ZNF578: variants seen among roughly 807,000 people sequenced by gnomAD.
The protein encoded by ZNF578 is zinc finger protein 578.
In ZNF578, 8 loss-of-function variants were observed where a neutral mutation model predicts 8.3. The observed-to-expected ratio is 0.96, with a 90% CI of 0.56 to 1.74. The LOEUF (loss-of-function observed/expected upper bound fraction) is 1.74. Among genes scored for constraint, ZNF578 ranks in the 40% most tolerant of loss-of-function variants. The probability of loss-of-function intolerance (pLI) is 0.00; values close to 1 mark genes in which losing one functional copy is unlikely to be tolerated. For synonymous variants in ZNF578, 206 were observed against 232.2 expected, an observed-to-expected ratio of 0.89 and a Z score of 1.03; for missense variants, 726 against 707.5, an observed-to-expected ratio of 1.03 and a Z score of -0.30.
Position 52,473,925 on chromosome 19 carries a change from T to G in ZNF578, c.-122+16967T>G, listed in dbSNP as rs1734067960. On this transcript the variant is annotated intron_variant, in intron 2 of 5. Transcript: ENST00000421239. ...TAAGGTTTCTCTTCCATATGAATTATCCAGTGTTCTGTAAAGTGTGAATTG... is the reference window on the plus strand; with the variant it reads ...TAAGGTTTCTCTTCCATATGAATTAGCCAGTGTTCTGTAAAGTGTGAATTG... The G allele has an allele frequency of 2.4e-5, 8 of 331,974 alleles. No homozygotes were observed. In the South Asian group the frequency reaches 2.9e-4, roughly 12 times the overall value. 20.6% of individuals were successfully genotyped at this position (331,974 alleles called of 1,614,324 possible).
rs1454630786 is a variant in ZNF578 at position 52,489,787 on chromosome 19, C to G, written c.-121-1537C>G. On this transcript the variant is annotated intron_variant, in intron 2 of 5. Coordinates refer to ENST00000421239, the MANE Select transcript of ZNF578 (RefSeq NM_001099694.2). ...TCTCCTGCCTCAGCCTCCCGAGTAGCTGGGACTACAGGCGCCCGCCACCAA... is the reference window on the plus strand; with the variant it reads ...TCTCCTGCCTCAGCCTCCCGAGTAGGTGGGACTACAGGCGCCCGCCACCAA... Among the ~76,000 whole-genome samples, 6 of 151,772 alleles carry G rather than the reference C, an allele frequency of 4.0e-5. No individual in the cohort carries two copies. In the East Asian group the frequency reaches 1.2e-3, roughly 30 times the overall value.
At chr19:52,479,562 A>T (rs1046850788) in intron 2 of ZNF578, among the ~76,000 whole-genome samples, 13 of 149,654 alleles carry the variant, frequency 8.7e-5, no homozygotes, top group African/African-American at 1.5e-4. Flanking sequence ...AAAAAAAAAA[A>T]GGAAAAAAGA....
At chr19:52,489,816 C>T (rs144396550) in intron 2 of ZNF578, among the ~76,000 whole-genome samples, 35 of 151,848 alleles carry the variant, frequency 2.3e-4, no homozygotes, top group African/African-American at 7.2e-4. Context: ...CCACCAATCC[C>T]GGCTAATTTT....
chr19:52,505,261 G>A (rs2059421688), intron 5 of ZNF578, among the ~76,000 whole-genome samples: 1 of 152,040 alleles, frequency 6.6e-6, no homozygotes, highest in Non-Finnish European at 1.5e-5. Context: ...ATAAACTAAT[G>A]ATCATCTTCT....
chr19:52,463,931 TA>T (rs2059266382), intron 2 of ZNF578, among the ~76,000 whole-genome samples: 1 of 152,216 alleles, frequency 6.6e-6, no homozygotes, highest in South Asian at 2.1e-4. Context: ...TGGAAAGTTT[TA>T]TTTTTAGGAT....
At chr19:52,499,414 A>G (rs2059398607) in intron 3 of ZNF578, among the ~76,000 whole-genome samples, 1 of 152,136 alleles carries the variant, frequency 6.6e-6, no homozygotes, top group South Asian at 2.1e-4. Flanking sequence ...TCCTGTGTCC[A>G]GTAGTCTCCT....
At chr19:52,497,109 A>G (rs1173645753) in intron 3 of ZNF578, among the ~76,000 whole-genome samples, 2 of 149,318 alleles carry the variant, frequency 1.3e-5, no homozygotes, top group African/African-American at 4.9e-5. Context: ...TTGTTTAGAT[A>G]TATATATTTA....
chr19:52,485,524 T>C (rs1344520846), intron 2 of ZNF578, among the ~76,000 whole-genome samples: 1 of 151,930 alleles, frequency 6.6e-6, no homozygotes, highest in African/African-American at 2.4e-5. Flanking sequence ...CCACAGAGAG[T>C]TGAGGGGCTG....
At chr19:52,466,864 A>T (rs115280947) in intron 2 of ZNF578, among the ~76,000 whole-genome samples, 2,141 of 152,238 alleles carry the variant, frequency 0.014, 50 homozygotes, top group African/African-American at 0.048. Context: ...TGAGTTAAAC[A>T]ATAGTAAGCA....
intron 2 of ZNF578, among the ~76,000 whole-genome samples, chr19:52,465,527 T>A (rs962616400): frequency 2.6e-5 from 4 of 152,206 alleles, no homozygotes; most frequent in Non-Finnish European, 4.4e-5. Context: ...CACGCACCAA[T>A]GACCAAACTG....
chr19:52,515,293 C>CTTT lies in ZNF578; in HGVS notation c.*3141_*3142insTTT. 6.6e-6 allele frequency among the ~76,000 whole-genome samples: 1 copy of CTTT among 152,060 alleles called. No homozygotes were observed. Among genetic ancestry groups the CTTT allele is most frequent in the African/African-American group, 2.4e-5 (1 of 41,396 alleles). On this transcript the variant is annotated 3_prime_UTR_variant, in exon 6 of 6. Coordinates refer to ENST00000421239, the MANE Select transcript of ZNF578 (RefSeq NM_001099694.2). Reference sequence around the variant, plus strand: ...ATGTATTCTTGATTGAAATAATTTGCTTATTTCTTAGTTCTACAGCTGACC... The same window carrying CTTT: ...ATGTATTCTTGATTGAAATAATTTGCTTTTTATTTCTTAGTTCTACAGCTGACC...
intron 2 of ZNF578, among the ~76,000 whole-genome samples, chr19:52,487,055 G>T (rs2059348297): frequency 6.6e-6 from 1 of 152,030 alleles, no homozygotes; most frequent in Non-Finnish European, 1.5e-5. Flanking sequence ...CAGAGGGGCT[G>T]GGTGCAGTGG....
Position 52,512,131 on chromosome 19 carries a change from A to G in ZNF578, c.1750A>G (p.Ile584Val), listed in dbSNP as rs4802965. Residue 584 changes from isoleucine (I) to valine (V), a missense_variant, in exon 6 of 6, where the codon ATC becomes GTC. By Grantham distance (29) the Ile-to-Val change is conservative (BLOSUM62 3). Coordinates refer to ENST00000421239, the MANE Select transcript of ZNF578 (RefSeq NM_001099694.2). ...KAHNHLIDSS[I>V]KPCMSS ...TCACAATCACTTGATTGATTCATCA[A>G]TCAAGCCTTGCATGTCATCATAGAC... 393,668 of 1,611,700 alleles carry G rather than the reference A, an allele frequency of 0.24. 51,873 individuals are homozygous for G. The highest frequency in any genetic ancestry group is 0.5 in the East Asian group (22,154 of 44,714).
chr19:52,474,263 C>A, intron 2 of ZNF578: 1 of 298,538 alleles, frequency 3.3e-6, no homozygotes. Flanking sequence ...ATGAATTCTT[C>A]GATGTCATAC....
At position 52,513,998 on chromosome 19, in the gene ZNF578, G is replaced by A. The variant is rs1020254803; in HGVS notation, c.*1844G>A. 7.3e-5 allele frequency among the ~76,000 whole-genome samples: 11 copies of A among 150,924 alleles called. No homozygotes were observed. The highest frequency in any genetic ancestry group is 2.7e-4 in the African/African-American group (11 of 40,810). On this transcript the variant is annotated 3_prime_UTR_variant, in exon 6 of 6. Coordinates refer to ENST00000421239, the MANE Select transcript of ZNF578 (RefSeq NM_001099694.2). Reference sequence around the variant, plus strand: ...CAAAACCGTGCCACTGTACTGCAGCGAGGTTGGCAGAGTGAGTCTCCATCT... The same window carrying A: ...CAAAACCGTGCCACTGTACTGCAGCAAGGTTGGCAGAGTGAGTCTCCATCT...
chr19:52,501,533 G>GCA (rs2059407313), intron 3 of ZNF578, among the ~76,000 whole-genome samples: 1 of 152,200 alleles, frequency 6.6e-6, no homozygotes, highest in African/African-American at 2.4e-5. Flanking sequence ...TCTGGATGCG[G>GCA]TTTGATCAGG....
chr19:52,515,164 C>G lies in ZNF578; in HGVS notation c.*3010C>G, dbSNP rs2059468478. Among the ~76,000 whole-genome samples the G allele has an allele frequency of 6.6e-6, 1 of 151,966 alleles. No homozygotes were observed. The highest frequency in any genetic ancestry group is 6.6e-5 in the Admixed American group (1 of 15,256). ...ATTTTTAGTAGAGACAGGGTTTCAT[C>G]ATGTTGGCAGGCTGGTCTTGAACTC... On this transcript the variant is annotated 3_prime_UTR_variant, in exon 6 of 6. Coordinates refer to ENST00000421239, the MANE Select transcript of ZNF578 (RefSeq NM_001099694.2).
chr19:52,480,017 C>T (rs1209032420), intron 2 of ZNF578, among the ~76,000 whole-genome samples: 2 of 152,180 alleles, frequency 1.3e-5, no homozygotes, highest in Non-Finnish European at 2.9e-5. Context: ...TCATGCCATT[C>T]TCCTGCCTCA....
chr19:52,493,222 CGGGCCCA>C (rs1157997021), intron 3 of ZNF578, among the ~76,000 whole-genome samples: 6 of 152,154 alleles, frequency 3.9e-5, no homozygotes, highest in Non-Finnish European at 8.8e-5. Flanking sequence ...CACAGCGCCC[CGGGCCCA>C]GTCCTGGGGA....
Sources: gnomAD v4.1 joint callset for allele counts (sites outside exome capture counted in the v4.1 genomes callset) on GRCh38, gnomAD v4.1.1 for gene constraint, MANE v1.5 for transcripts, NCBI Gene and HGNC (gene_info 2026-07-23, HGNC 2026-07-21) for gene names.